The following KIF6 variants were observed in gnomAD, a reference collection of about 807,000 sequenced individuals.
KIF6 encodes the protein kinesin-like protein KIF6.
KIF6 carries 106 observed loss-of-function variants against 112.7 expected under a neutral mutation model. The ratio of observed to expected loss-of-function variants is 0.94; its 90% CI spans 0.80 to 1.11. The LOEUF (loss-of-function observed/expected upper bound fraction) is 1.11. KIF6 is among the 50% of genes least tolerant of loss of function. The pLI, the probability that KIF6 is intolerant of heterozygous loss-of-function variation, is 0.00. For missense variants in KIF6, 929 were observed against 964.0 expected, an observed-to-expected ratio of 0.96 and a Z score of 0.48; for synonymous variants, 339 against 339.9, an observed-to-expected ratio of 1.00 and a Z score of 0.03.
At chr6:39,681,724 A>G (rs541996595) in intron 3 of KIF6, among the ~76,000 whole-genome samples, 2 of 152,330 alleles carry the variant, frequency 1.3e-5, no homozygotes, top group African/African-American at 2.4e-5. Flanking sequence ...GGAGAAATGG[A>G]CAATAAGCAG....
At chr6:39,576,339 G>A (rs942080660) in intron 10 of KIF6, among the ~76,000 whole-genome samples, 5 of 152,006 alleles carry the variant, frequency 3.3e-5, no homozygotes, top group Non-Finnish European at 7.4e-5. Flanking sequence ...GGTCAGGATG[G>A]CCTCGAACTC....
At chr6:39,691,385 T>C (rs950132870) in intron 3 of KIF6, 2 of 152,240 alleles carry the variant, frequency 1.3e-5, no homozygotes, top group African/African-American at 4.8e-5. Context: ...CAAGTGAATA[T>C]ATAAAAACTT....
At chr6:39,451,474 C>T (rs887459352) in intron 13 of KIF6, among the ~76,000 whole-genome samples, 2 of 152,172 alleles carry the variant, frequency 1.3e-5, no homozygotes, top group African/African-American at 2.4e-5. Flanking sequence ...CCAGTTTATT[C>T]ACTGACAGCA....
chr6:39,334,235 T>G lies in KIF6; in HGVS notation c.*2297A>C, dbSNP rs1317229997. The G allele has an allele frequency of 1.3e-5, 2 of 152,242 alleles. No individual in the cohort carries two copies. The allele number at this position is 152,242 out of a possible 1,614,324, so 9.4% of individuals were successfully genotyped here. A position where few individuals can be genotyped will look rare whatever the true frequency, so the allele number is the denominator to read the frequency against. Reference sequence around the variant, plus strand: ...CGCATGGGGCCATGCCACACATCTCTGTCAGTAAGGCCTTTGGATCCAGGA... The same window carrying G: ...CGCATGGGGCCATGCCACACATCTCGGTCAGTAAGGCCTTTGGATCCAGGA... On this transcript the variant is annotated 3_prime_UTR_variant, in exon 23 of 23. Transcript: ENST00000287152.
intron 3 of KIF6, among the ~76,000 whole-genome samples, chr6:39,651,088 G>C (rs1785443244): frequency 6.6e-6 from 1 of 151,842 alleles, no homozygotes; most frequent in Non-Finnish European, 1.5e-5. Flanking sequence ...AAACCCAAAG[G>C]GCTAATTTAT....
intron 5 of KIF6, among the ~76,000 whole-genome samples, chr6:39,624,858 T>C (rs1784008379): frequency 6.6e-6 from 1 of 152,332 alleles, no homozygotes; most frequent in South Asian, 2.1e-4. Flanking sequence ...TGGTGAAAGC[T>C]AACATTTCTA....
At chr6:39,536,928 T>C (rs1199018742) in intron 13 of KIF6, among the ~76,000 whole-genome samples, 6 of 152,150 alleles carry the variant, frequency 3.9e-5, no homozygotes, top group Middle Eastern at 3.4e-3. Flanking sequence ...AATCAATAAA[T>C]GTAATCCAGC....
At chr6:39,468,595 A>G (rs1192495028) in intron 13 of KIF6, among the ~76,000 whole-genome samples, 1 of 152,192 alleles carries the variant, frequency 6.6e-6, no homozygotes, top group Admixed American at 6.5e-5. Flanking sequence ...AAAGCTGTCA[A>G]CCAAGACTCT....
intron 15 of KIF6, among the ~76,000 whole-genome samples, chr6:39,395,954 A>G (rs1260803600): frequency 6.6e-6 from 1 of 152,200 alleles, no homozygotes; most frequent in Non-Finnish European, 1.5e-5. Context: ...GATATAAATA[A>G]TCAACTCTTT....
chr6:39,494,947 G>C (rs1775693956), intron 13 of KIF6, among the ~76,000 whole-genome samples: 1 of 152,088 alleles, frequency 6.6e-6, no homozygotes. Flanking sequence ...AGTTTCACAG[G>C]GGAAGTGGGG....
chr6:39,607,832 T>C (rs112983078), intron 6 of KIF6, among the ~76,000 whole-genome samples: 5 of 152,324 alleles, frequency 3.3e-5, no homozygotes, highest in African/African-American at 1.2e-4. Flanking sequence ...TTGCTAATTA[T>C]ATATAACTAA....
chr6:39,577,120 A>C (rs1197335655), intron 10 of KIF6, among the ~76,000 whole-genome samples: 1 of 152,228 alleles, frequency 6.6e-6, no homozygotes, highest in East Asian at 1.9e-4. Context: ...TTGCAAGAAA[A>C]GCCTTAGGGG....
At chr6:39,531,040 T>C (rs1005360855) in intron 13 of KIF6, among the ~76,000 whole-genome samples, 4 of 152,074 alleles carry the variant, frequency 2.6e-5, no homozygotes, top group African/African-American at 9.7e-5. Flanking sequence ...AACACATCAA[T>C]CCCCAATCAA....
chr6:39,545,089 TTTGTC>T (rs1406801846), intron 11 of KIF6, among the ~76,000 whole-genome samples: 1 of 152,224 alleles, frequency 6.6e-6, no homozygotes, highest in Non-Finnish European at 1.5e-5. Flanking sequence ...CTTATTAAAC[TTTGTC>T]TTATCTATAC....
Position 39,420,017 on chromosome 6 carries a change from A to C in KIF6, c.1755-14T>G. 1 of 1,600,298 alleles carries C rather than the reference A, an allele frequency of 6.2e-7. No individual in the cohort carries two copies. Among genetic ancestry groups the C allele is most frequent in the Non-Finnish European group, 8.6e-7 (1 of 1,167,622 alleles). On this transcript the variant is annotated splice_polypyrimidine_tract_variant and intron_variant, in intron 14 of 22. Coordinates refer to ENST00000287152, the MANE Select transcript of KIF6 (RefSeq NM_145027.6). ...GCTTCAGAAAATCTGGAGGGGAAAA[A>C]AATGAAAATTGTAGTTTTTCTGTTC...
chr6:39,639,854 T>C (rs1038361115), intron 3 of KIF6, 97 bp from the exon 4 acceptor site: 3 of 1,042,250 alleles, frequency 2.9e-6, no homozygotes, highest in Non-Finnish European at 4.1e-6. Flanking sequence ...TAAACACTAT[T>C]AAAAAAACTT....
intron 10 of KIF6, among the ~76,000 whole-genome samples, chr6:39,558,138 G>GGA (rs1323824276): frequency 2.0e-5 from 3 of 152,046 alleles, no homozygotes; most frequent in Non-Finnish European, 4.4e-5. Flanking sequence ...TTAAGCTATA[G>GGA]GAGAGAGATA....
chr6:39,489,232 T>C (rs753881388), intron 13 of KIF6, among the ~76,000 whole-genome samples: 5 of 152,206 alleles, frequency 3.3e-5, no homozygotes, highest in Admixed American at 6.5e-5. Flanking sequence ...GGATTTATCT[T>C]TTCCTTTTTG....
At chr6:39,685,975 A>T (rs1359122130) in intron 3 of KIF6, among the ~76,000 whole-genome samples, 1 of 152,140 alleles carries the variant, frequency 6.6e-6, no homozygotes, top group Non-Finnish European at 1.5e-5. Context: ...GCATAAATCT[A>T]CTTTTGTTTT....
Sources: gnomAD v4.1 joint callset for allele counts (sites outside exome capture counted in the v4.1 genomes callset) on GRCh38, gnomAD v4.1.1 for gene constraint, MANE v1.5 for transcripts, NCBI Gene and HGNC (gene_info 2026-07-23, HGNC 2026-07-21) for gene names.